The following MEMO1 variants were observed in gnomAD, a reference collection of about 807,000 sequenced individuals.
MEMO1 encodes mediator of cell motility 1.
Under a neutral mutation model 45.2 loss-of-function variants are expected in MEMO1, and 6 were observed. The observed-to-expected ratio is 0.13, with a 90% CI of 0.07 to 0.26. The LOEUF (loss-of-function observed/expected upper bound fraction) is 0.26, where lower values mean the gene tolerates loss of function less well. MEMO1 is among the 10% of genes least tolerant of loss of function. MEMO1 has a pLI of 1.00. For synonymous variants in MEMO1, 78 were observed against 124.3 expected (o/e 0.63, Z 2.48); for missense variants, 184 against 370.5 (o/e 0.50, Z 4.13).
At chr2:31,933,385 A>ATAAATATATAT (rs1553369136) in intron 3 of MEMO1, among the ~76,000 whole-genome samples, 1 of 123,480 alleles carries the variant, frequency 8.1e-6, no homozygotes, top group Non-Finnish European at 1.7e-5. Flanking sequence ...ATATATATAG[A>ATAAATATATAT]AAGGGGAAGA....
At chr2:31,913,446 G>A (rs1242419994) in intron 6 of MEMO1, among the ~76,000 whole-genome samples, 1 of 150,376 alleles carries the variant, frequency 6.6e-6, no homozygotes, top group Admixed American at 6.6e-5. Context: ...GTAAAAAAAT[G>A]ACAGGGAAAT....
At chr2:31,919,078 A>T (rs1278550470) in intron 5 of MEMO1, among the ~76,000 whole-genome samples, 4 of 151,916 alleles carry the variant, frequency 2.6e-5, no homozygotes, top group Non-Finnish European at 5.9e-5. Context: ...AAAATAAGAA[A>T]GAAGAATTTT....
chr2:31,949,642 CAA>C (rs549686329), intron 2 of MEMO1, among the ~76,000 whole-genome samples: 1 of 108,970 alleles, frequency 9.2e-6, no homozygotes, highest in Non-Finnish European at 1.8e-5. Flanking sequence ...TTAATGGGTA[CAA>C]AAAAAAAAAA....
intron 2 of MEMO1, among the ~76,000 whole-genome samples, chr2:31,976,924 T>G (rs1013252012): frequency 2.6e-5 from 4 of 152,176 alleles, no homozygotes; most frequent in Non-Finnish European, 5.9e-5. Flanking sequence ...TTGAGATCTT[T>G]GTGTATATGA....
At chr2:32,006,985 AAAG>A (rs1284530651) in intron 2 of MEMO1, among the ~76,000 whole-genome samples, 3 of 151,290 alleles carry the variant, frequency 2.0e-5, no homozygotes, top group East Asian at 1.9e-4. Context: ...AAAAAAAAAA[AAAG>A]AAGTGAGAAT....
chr2:31,903,996 C>T (rs1558490844), intron 6 of MEMO1, among the ~76,000 whole-genome samples: 1 of 152,124 alleles, frequency 6.6e-6, no homozygotes, highest in Non-Finnish European at 1.5e-5. Flanking sequence ...TTCATTGAGG[C>T]CACAATCAGA....
chr2:31,908,038 C>G lies in MEMO1; in HGVS notation c.437+9888G>C, dbSNP rs573251529. Among the ~76,000 whole-genome samples, 8 of 152,222 alleles carry G rather than the reference C, an allele frequency of 5.3e-5. No homozygotes were observed. In the East Asian group the frequency reaches 1.5e-3, roughly 29 times the overall value. ...TAAAAAAAATTCTTTTTACAACCAC[C>G]ACAAAATAGCAAATTTTAAATAGTG... On this transcript the variant is annotated intron_variant, in intron 6 of 9. Transcript: ENST00000404530.
chr2:31,986,832 A>T (rs190142101), intron 2 of MEMO1, among the ~76,000 whole-genome samples: 1 of 152,320 alleles, frequency 6.6e-6, no homozygotes, highest in East Asian at 1.9e-4. Flanking sequence ...CTTCCAAAAA[A>T]ACAGGAAAGG....
At chr2:31,891,840 A>G in intron 7 of MEMO1, 152 bp downstream of exon 7, 5 of 796,400 alleles carry the variant, frequency 6.3e-6, no homozygotes, top group South Asian at 6.1e-5. Flanking sequence ...AAAGGATCAA[A>G]AGATTTTTTA....
chr2:31,925,068 A>T (rs1682877387), intron 4 of MEMO1, among the ~76,000 whole-genome samples: 1 of 152,190 alleles, frequency 6.6e-6, no homozygotes, highest in African/African-American at 2.4e-5. Flanking sequence ...CCTTGATCAT[A>T]ATACCTGATG....
chr2:31,918,713 T>G (rs937580228), intron 5 of MEMO1, among the ~76,000 whole-genome samples: 1 of 152,172 alleles, frequency 6.6e-6, no homozygotes, highest in Non-Finnish European at 1.5e-5. Context: ...AAATTGAATA[T>G]TGTGGAACAA....
chr2:31,977,986 T>C (rs1670200078), intron 2 of MEMO1, among the ~76,000 whole-genome samples: 1 of 152,160 alleles, frequency 6.6e-6, no homozygotes. Flanking sequence ...CAATATGACA[T>C]GGTGATTAAG....
chr2:31,974,769 A>G (rs558516006), intron 2 of MEMO1, among the ~76,000 whole-genome samples: 1 of 152,120 alleles, frequency 6.6e-6, no homozygotes, highest in East Asian at 1.9e-4. Context: ...ACATCTCTAA[A>G]AAGACCAAAA....
At chr2:31,990,501 G>C (rs986830884) in intron 2 of MEMO1, among the ~76,000 whole-genome samples, 1 of 151,328 alleles carries the variant, frequency 6.6e-6, no homozygotes, top group African/African-American at 2.4e-5. Context: ...ACCCAGGCTC[G>C]AGTGCAGTGG....
chr2:31,877,294 G>C (rs1026395123), intron 8 of MEMO1, among the ~76,000 whole-genome samples: 2 of 152,190 alleles, frequency 1.3e-5, no homozygotes, highest in Non-Finnish European at 2.9e-5. Flanking sequence ...AGCAGGGTAA[G>C]GCCAATGAAC....
chr2:31,870,102 A>T, intron 8 of MEMO1, 150 bp from the exon 9 acceptor site: 1 of 637,648 alleles, frequency 1.6e-6, no homozygotes, highest in South Asian at 3.8e-5. Context: ...CTTGTGAAAC[A>T]TCAAACTCAT....
chr2:31,897,259 T>C (rs1258948619), intron 6 of MEMO1, among the ~76,000 whole-genome samples: 1 of 152,246 alleles, frequency 6.6e-6, no homozygotes, highest in Non-Finnish European at 1.5e-5. Flanking sequence ...CAATACTATG[T>C]TGAATAGGAG....
chr2:32,008,112 T>A (rs1170255146), intron 2 of MEMO1, among the ~76,000 whole-genome samples: 1 of 152,208 alleles, frequency 6.6e-6, no homozygotes, highest in Non-Finnish European at 1.5e-5. Context: ...TAAATAACAA[T>A]AATCACAGAA....
intron 6 of MEMO1, among the ~76,000 whole-genome samples, chr2:31,906,410 G>A (rs184455668): frequency 7.2e-5 from 11 of 151,842 alleles, no homozygotes; most frequent in Admixed American, 2.0e-4. Flanking sequence ...TGCAACCTCC[G>A]CCTCCCAAGT....
Sources: gnomAD v4.1 joint callset for allele counts (sites outside exome capture counted in the v4.1 genomes callset) on GRCh38, gnomAD v4.1.1 for gene constraint, MANE v1.5 for transcripts, NCBI Gene and HGNC (gene_info 2026-07-23, HGNC 2026-07-21) for gene names.